Variants in ABHD2 observed in about 807,000 individuals in gnomAD.
ABHD2 encodes the protein monoacylglycerol lipase ABHD2.
ABHD2 carries 20 observed loss-of-function variants against 48.1 expected under a neutral mutation model. The observed-to-expected ratio is 0.42, with a 90% CI of 0.29 to 0.60. ABHD2 has a LOEUF of 0.60. Ranked by LOEUF, ABHD2 falls within the 20% of genes least tolerant of loss-of-function variation. The pLI is 0.24. For synonymous variants in ABHD2, 209 were observed against 214.2 expected (o/e 0.98, Z 0.21); for missense variants, 405 against 550.9 (o/e 0.74, Z 2.65).
chr15:89,099,528 AC>A (rs2049667140), intron 1 of ABHD2, among the ~76,000 whole-genome samples: 1 of 151,980 alleles, frequency 6.6e-6, no homozygotes, highest in South Asian at 2.1e-4. Flanking sequence ...CAGGAAGATC[AC>A]TTGAGCCCAG....
In ABHD2 at chr15:89,137,584, A is replaced by C. The variant is rs1214607562; in HGVS notation, c.195-14093A>C. 6.6e-6 allele frequency among the ~76,000 whole-genome samples: 1 copy of C among 152,066 alleles called. No individual in the cohort carries two copies. Among genetic ancestry groups the C allele is most frequent in the African/African-American group, 2.4e-5 (1 of 41,406 alleles). On this transcript the variant is annotated intron_variant, in intron 3 of 10. Coordinates refer to ENST00000352732, the MANE Select transcript of ABHD2 (RefSeq NM_152924.5). This position sits in a 1 kb window ranked among gnomAD's most constrained non-coding sequence, Gnocchi z 4.8. ...GATTGCTCTTTTGTTTCCTCAGGCC[A>C]CTTTTGGTCATTTCAGGCAGAAACA... is the stretch of plus-strand genomic sequence containing the variant.
At chr15:89,052,538 G>GACAC in the ABHD2 span, among the ~76,000 whole-genome samples, 263 of 129,024 alleles carry the variant, frequency 2.0e-3, no homozygotes, top group African/African-American at 8.4e-3. Flanking sequence ...CAGACAGACA[G>GACAC]ACAGACAGAC....
At chr15:89,170,109 T>TTTTTTC (rs2050899892) in intron 5 of ABHD2, among the ~76,000 whole-genome samples, 1 of 127,358 alleles carries the variant, frequency 7.9e-6, no homozygotes, top group Non-Finnish European at 1.5e-5. Flanking sequence ...TTTTTTTTTT[T>TTTTTTC]TTTTGGAGAC....
intron 10 of ABHD2, among the ~76,000 whole-genome samples, chr15:89,194,606 C>T (rs904716194): frequency 6.6e-6 from 1 of 152,130 alleles, no homozygotes; most frequent in South Asian, 2.1e-4. Flanking sequence ...CCATTGAATT[C>T]TCCTCGTTCT....
the ABHD2 span, among the ~76,000 whole-genome samples, chr15:89,045,932 T>C: frequency 3.3e-4 from 51 of 152,346 alleles, no homozygotes; most frequent in African/African-American, 1.2e-3. Flanking sequence ...TCCAACACTA[T>C]GTTGAATAGG....
the ABHD2 span, among the ~76,000 whole-genome samples, chr15:89,078,767 G>A: frequency 7.1e-6 from 1 of 141,158 alleles, no homozygotes; most frequent in East Asian, 2.1e-4. Context: ...ACAGAGTCTT[G>A]TCATCCAGGC....
the ABHD2 span, among the ~76,000 whole-genome samples, chr15:89,047,034 A>G: frequency 6.6e-6 from 1 of 151,282 alleles, no homozygotes; most frequent in Non-Finnish European, 1.5e-5. Flanking sequence ...GTGGGCATTT[A>G]GTGCTATAAA....
chr15:89,078,794 G>C, the ABHD2 span, among the ~76,000 whole-genome samples: 1 of 149,520 alleles, frequency 6.7e-6, no homozygotes, highest in African/African-American at 2.5e-5. Context: ...GCAGTGGCAC[G>C]ATCTTGGCTC....
intron 2 of ABHD2, among the ~76,000 whole-genome samples, chr15:89,115,599 C>T (rs1020433667): frequency 5.3e-5 from 8 of 152,148 alleles, no homozygotes; most frequent in South Asian, 2.1e-4. Context: ...AGGTAGCCTC[C>T]GCAGGGGGAA....
At chr15:89,110,745 A>G (rs1047790110) in intron 1 of ABHD2, among the ~76,000 whole-genome samples, 1 of 152,186 alleles carries the variant, frequency 6.6e-6, no homozygotes, top group Non-Finnish European at 1.5e-5. Context: ...TTGGACCACA[A>G]TAATTATAAA....
chr15:89,047,058 A>G, the ABHD2 span, among the ~76,000 whole-genome samples: 2 of 149,578 alleles, frequency 1.3e-5, no homozygotes, highest in Non-Finnish European at 3.0e-5. Flanking sequence ...CCCTCTACAC[A>G]CTGCTTTGAA....
At chr15:89,096,331 C>T (rs1051771313) in intron 1 of ABHD2, among the ~76,000 whole-genome samples, 3 of 152,210 alleles carry the variant, frequency 2.0e-5, no homozygotes, top group Admixed American at 6.5e-5. Context: ...GAAGTTTATG[C>T]TCCATACTGA....
the ABHD2 span, among the ~76,000 whole-genome samples, chr15:89,075,792 C>A: frequency 6.6e-6 from 1 of 152,160 alleles, no homozygotes; most frequent in Non-Finnish European, 1.5e-5. The surrounding 1 kb of genome is among the most constrained non-coding windows in gnomAD (Gnocchi z 4.1). Context: ...AGGCCCAGGA[C>A]TGAAGAATCA....
chr15:89,059,905 A>G, the ABHD2 span, among the ~76,000 whole-genome samples: 135,513 of 152,032 alleles, frequency 0.89, 60,547 homozygotes, highest in South Asian at 0.96. Flanking sequence ...TGTGGAACGC[A>G]GGTCCTCCAT....
At position 89,142,826 on chromosome 15, in the gene ABHD2, A is replaced by C. The variant is rs536848734; in HGVS notation, c.195-8851A>C. ...GGGCTGGGAAGGAGGAACATGCAGG[A>C]ACGGAATACCAGTCGGATTCTAGCC... On this transcript the variant is annotated intron_variant, in intron 3 of 10. Transcript: ENST00000352732. Among the ~76,000 whole-genome samples, 170 of 152,298 alleles carry C rather than the reference A, an allele frequency of 1.1e-3. 1 individual carries two copies. Among genetic ancestry groups the C allele is most frequent in the African/African-American group, 3.1e-3 (129 of 41,560 alleles).
the ABHD2 span, among the ~76,000 whole-genome samples, chr15:89,051,903 G>C: frequency 6.6e-6 from 1 of 152,190 alleles, no homozygotes; most frequent in African/African-American, 2.4e-5. Flanking sequence ...ACATATAGGG[G>C]AGGTGGGAGG....
rs2049922096 is a variant in ABHD2 at position 89,114,335 on chromosome 15, G to C, written c.-7+511G>C. ...TGCACAAACTTTCACATGATTTCAG[G>C]GGGTTCTTAGACCGCAGGATCCCAC... On this transcript the variant is annotated intron_variant, in intron 2 of 10. Transcript: ENST00000352732. The surrounding 1 kb of genome is among the most constrained non-coding windows in gnomAD (Gnocchi z 4.2). Among the ~76,000 whole-genome samples, 1 of 152,054 alleles carries C rather than the reference G, an allele frequency of 6.6e-6. No homozygotes were observed. Among genetic ancestry groups the C allele is most frequent in the South Asian group, 2.1e-4 (1 of 4,824 alleles).
rs1307889076 is a variant in ABHD2 at position 89,202,194 on chromosome 15, T to G, written c.*6771T>G. 6.2e-6 allele frequency: 1 copy of G among 162,600 alleles called. No individual in the cohort carries two copies. The highest frequency in any genetic ancestry group is 2.4e-5 in the African/African-American group (1 of 41,564). 10.1% of individuals were successfully genotyped at this position (162,600 alleles called of 1,614,324 possible). A position where few individuals can be genotyped will look rare whatever the true frequency, so the allele number is the denominator to read the frequency against. On this transcript the variant is annotated 3_prime_UTR_variant, in exon 11 of 11. Transcript: ENST00000352732. ...GGGGATATTTACCTTTATTAAGAAA[T>G]TATACTAAACATTGATGTCCTTGAT...
At chr15:89,139,600 T>A (rs1373469668) in intron 3 of ABHD2, among the ~76,000 whole-genome samples, 5 of 152,218 alleles carry the variant, frequency 3.3e-5, no homozygotes, top group African/African-American at 9.6e-5. Flanking sequence ...TCGGACCTGA[T>A]AACATCTTTG....
Sources: gnomAD v4.1 joint callset for allele counts (sites outside exome capture counted in the v4.1 genomes callset) on GRCh38, gnomAD v4.1.1 for gene constraint, Gnocchi (gnomAD v3.1) non-coding constraint, MANE v1.5 for transcripts, NCBI Gene and HGNC (gene_info 2026-07-23, HGNC 2026-07-21) for gene names.